The following PARD6G variants were observed in gnomAD, a reference collection of about 807,000 sequenced individuals.
The protein encoded by PARD6G is partitioning defective 6 homolog gamma.
PARD6G carries 7 observed loss-of-function variants against 10.7 expected under a neutral mutation model. The observed-to-expected ratio is 0.66, with a 90% CI of 0.37 to 1.23. PARD6G has a LOEUF of 1.23. Ranked by LOEUF, PARD6G falls within the 50% of genes most tolerant of loss-of-function variation. The probability of loss-of-function intolerance (pLI) is 0.02; values close to 1 mark genes in which losing one functional copy is unlikely to be tolerated. For missense variants in PARD6G, 548 were observed against 571.8 expected (o/e 0.96, Z 0.42); for synonymous variants, 287 against 269.4 (o/e 1.07, Z -0.64).
intron 2 of PARD6G, among the ~76,000 whole-genome samples, chr18:80,172,166 C>A (rs551114620): frequency 6.6e-6 from 1 of 152,164 alleles, no homozygotes; most frequent in African/African-American, 2.4e-5. Flanking sequence ...CTGAGGGTTA[C>A]GATTTCTCCA....
At chr18:80,219,144 G>A (rs567163589) in intron 1 of PARD6G, among the ~76,000 whole-genome samples, 5 of 152,292 alleles carry the variant, frequency 3.3e-5, no homozygotes, top group Non-Finnish European at 2.9e-5. Flanking sequence ...ATTAACATTC[G>A]GCTCCTTGTT....
chr18:80,233,767 C>T (rs1599876599), intron 1 of PARD6G, among the ~76,000 whole-genome samples: 1 of 152,152 alleles, frequency 6.6e-6, no homozygotes, highest in Non-Finnish European at 1.5e-5. Context: ...TATGCACAGG[C>T]GTACTGTCCA....
At position 80,157,308 on chromosome 18, in the gene PARD6G, A is replaced by G. The variant is rs2052662301; in HGVS notation, c.*2463T>C. ...AAGAAAACTTTAATACATAATATGC[A>G]TAGTTTTGTTTTTTTAAAAGGAGAA... On this transcript the variant is annotated 3_prime_UTR_variant, in exon 3 of 3. Coordinates refer to ENST00000353265, the MANE Select transcript of PARD6G (RefSeq NM_032510.4). The G allele has an allele frequency of 6.6e-6, 1 of 152,230 alleles. No individual in the cohort carries two copies. Among genetic ancestry groups the G allele is most frequent in the Admixed American group, 6.5e-5 (1 of 15,284 alleles). 9.4% of individuals were successfully genotyped at this position (152,230 alleles called of 1,614,324 possible). A position where few individuals can be genotyped will look rare whatever the true frequency, so the allele number is the denominator to read the frequency against.
At chr18:80,187,023 C>T (rs957804014) in intron 2 of PARD6G, among the ~76,000 whole-genome samples, 12 of 151,690 alleles carry the variant, frequency 7.9e-5, no homozygotes, top group Non-Finnish European at 1.6e-4. Context: ...GGCGTGAACC[C>T]GGGAGGTGGA....
intron 1 of PARD6G, among the ~76,000 whole-genome samples, chr18:80,230,806 A>G (rs1340309623): frequency 2.0e-5 from 3 of 152,326 alleles, no homozygotes; most frequent in Middle Eastern, 3.4e-3. Flanking sequence ...GGGATTTACC[A>G]TACAGGAGAG....
chr18:80,185,057 G>C (rs1292657052), intron 2 of PARD6G: 1 of 152,172 alleles, frequency 6.6e-6, no homozygotes, highest in African/African-American at 2.4e-5. Flanking sequence ...AGAGATTTGT[G>C]AGAGAGCCTA....
At chr18:80,210,963 T>A (rs1423118771) in intron 1 of PARD6G, among the ~76,000 whole-genome samples, 1 of 148,626 alleles carries the variant, frequency 6.7e-6, no homozygotes, top group African/African-American at 2.5e-5. Flanking sequence ...TGTTAAAATA[T>A]GATCTGCTGA....
chr18:80,191,486 C>T (rs1008566362), intron 2 of PARD6G, among the ~76,000 whole-genome samples: 5 of 152,220 alleles, frequency 3.3e-5, no homozygotes, highest in African/African-American at 9.7e-5. Flanking sequence ...CCACCAGGAG[C>T]CCCCATGTGT....
At chr18:80,220,919 T>C (rs1310660712) in intron 1 of PARD6G, among the ~76,000 whole-genome samples, 1 of 152,150 alleles carries the variant, frequency 6.6e-6, no homozygotes, top group Admixed American at 6.5e-5. Flanking sequence ...AAAGGGATCA[T>C]AGAGGAATAC....
At chr18:80,191,774 G>A (rs1408546912) in intron 2 of PARD6G, among the ~76,000 whole-genome samples, 1 of 152,194 alleles carries the variant, frequency 6.6e-6, no homozygotes, top group Non-Finnish European at 1.5e-5. Flanking sequence ...AGCTAGATTG[G>A]AGGACCTTTA....
In PARD6G at chr18:80,181,788, C is replaced by G. The variant is rs1382404881; in HGVS notation, c.295+20922G>C. Among the ~76,000 whole-genome samples, 3 of 152,142 alleles carry G rather than the reference C, an allele frequency of 2.0e-5. No individual in the cohort carries two copies. The highest frequency in any genetic ancestry group is 6.5e-5 in the Admixed American group (1 of 15,270). ...GCTCCCCATTCCTCGCGTCCTCTCC[C>G]CCTGTGCAGAGCATGTGTGGGGACA... On this transcript the variant is annotated intron_variant, in intron 2 of 2. Transcript: ENST00000353265. This position sits in a 1 kb window ranked among gnomAD's most constrained non-coding sequence, Gnocchi z 7.9.
chr18:80,185,907 C>T (rs542284271), intron 2 of PARD6G, among the ~76,000 whole-genome samples: 6 of 147,490 alleles, frequency 4.1e-5, no homozygotes, highest in African/African-American at 1.3e-4. Flanking sequence ...CACACGCACC[C>T]ACACATGCAT....
chr18:80,198,116 T>G (rs975310100), intron 2 of PARD6G, among the ~76,000 whole-genome samples: 4 of 152,210 alleles, frequency 2.6e-5, no homozygotes, highest in Non-Finnish European at 5.9e-5. Flanking sequence ...AAATGCCATG[T>G]AGTCGTTGAG....
chr18:80,236,560 T>C (rs1599877814), intron 1 of PARD6G, among the ~76,000 whole-genome samples: 1 of 152,142 alleles, frequency 6.6e-6, no homozygotes, highest in South Asian at 2.1e-4. Flanking sequence ...GGAAGTCAAA[T>C]TGTCCCCGTT....
At position 80,159,069 on chromosome 18, in the gene PARD6G, A is replaced by C. The variant is rs2052675851; in HGVS notation, c.*702T>G. The C allele has an allele frequency of 1.3e-5, 2 of 148,298 alleles. No homozygotes were observed. Among genetic ancestry groups the C allele is most frequent in the Non-Finnish European group, 3.0e-5 (2 of 67,156 alleles). 9.2% of individuals were successfully genotyped at this position (148,298 alleles called of 1,614,324 possible). A position where few individuals can be genotyped will look rare whatever the true frequency, so the allele number is the denominator to read the frequency against. ...AGTGGTGCGATCTCAGCTCACTGCA[A>C]CCTCTGCCTCCCGGGTTCAAGCGAT... On this transcript the variant is annotated 3_prime_UTR_variant, in exon 3 of 3. Coordinates refer to ENST00000353265, the MANE Select transcript of PARD6G (RefSeq NM_032510.4).
At chr18:80,195,876 A>AG (rs1402137720) in intron 2 of PARD6G, among the ~76,000 whole-genome samples, 1 of 134,102 alleles carries the variant, frequency 7.5e-6, no homozygotes, top group East Asian at 2.3e-4. Context: ...CTCCATCTCA[A>AG]GAAAAAAAAA....
chr18:80,163,282 G>C (rs2052713167), intron 2 of PARD6G, among the ~76,000 whole-genome samples: 1 of 152,176 alleles, frequency 6.6e-6, no homozygotes, highest in Non-Finnish European at 1.5e-5. Context: ...ATGCAGGGCA[G>C]GTGAGGCCTG....
chr18:80,209,969 TC>T (rs1261492805), intron 1 of PARD6G, among the ~76,000 whole-genome samples: 5 of 152,224 alleles, frequency 3.3e-5, no homozygotes, highest in Non-Finnish European at 4.4e-5. Context: ...ATCTATCTAT[TC>T]CCCCAACTCT....
intron 1 of PARD6G, among the ~76,000 whole-genome samples, chr18:80,243,686 C>T (rs1967512966): frequency 6.6e-6 from 1 of 152,086 alleles, no homozygotes; most frequent in African/African-American, 2.4e-5. Flanking sequence ...TGACCAGAAA[C>T]ACCAAGAAGG....
Sources: gnomAD v4.1 joint callset for allele counts (sites outside exome capture counted in the v4.1 genomes callset) on GRCh38, gnomAD v4.1.1 for gene constraint, Gnocchi (gnomAD v3.1) non-coding constraint, MANE v1.5 for transcripts, NCBI Gene and HGNC (gene_info 2026-07-23, HGNC 2026-07-21) for gene names.